The following SNX24 variants were observed in gnomAD, a reference collection of about 807,000 sequenced individuals.
The protein encoded by SNX24 is sorting nexin-24.
A neutral mutation model predicts 28.7 loss-of-function variants in SNX24; 22 were observed. The ratio of observed to expected loss-of-function variants is 0.77; its 90% confidence interval spans 0.55 to 1.10. The LOEUF (loss-of-function observed/expected upper bound fraction) is 1.10. SNX24 is among the 50% of genes least tolerant of loss of function. SNX24 has a pLI of 0.00. For missense variants in SNX24, 221 were observed against 201.1 expected, an observed-to-expected ratio of 1.10 and a Z score of -0.60; for synonymous variants, 69 against 71.5, an observed-to-expected ratio of 0.96 and a Z score of 0.18.
chr5:122,885,131 G>T (rs1278691839), intron 1 of SNX24, among the ~76,000 whole-genome samples: 1 of 152,180 alleles, frequency 6.6e-6, no homozygotes, highest in Non-Finnish European at 1.5e-5. Flanking sequence ...CTGCCTCTGT[G>T]AGAATGGAAG....
intron 3 of SNX24, among the ~76,000 whole-genome samples, chr5:122,979,647 A>G (rs1347961379): frequency 6.6e-6 from 1 of 152,262 alleles, no homozygotes; most frequent in Non-Finnish European, 1.5e-5. Flanking sequence ...AATAACAAAT[A>G]CAGTAATAAT....
downstream of SNX24, among the ~76,000 whole-genome samples, chr5:123,012,363 C>G (rs1287828588): frequency 1.3e-5 from 2 of 152,184 alleles, no homozygotes; most frequent in African/African-American, 4.8e-5. Context: ...CATGCTGCAA[C>G]ACAGATGAAC....
chr5:123,025,898 G>C (rs1051358562), intron 5 of SNX24: 1 of 1,613,998 alleles, frequency 6.2e-7, no homozygotes, highest in Admixed American at 1.7e-5. Context: ...TGGCCATGCT[G>C]ACCCACCCAA....
At chr5:123,003,239 C>A (rs1762308667) in intron 6 of SNX24, among the ~76,000 whole-genome samples, 1 of 152,126 alleles carries the variant, frequency 6.6e-6, no homozygotes, top group Non-Finnish European at 1.5e-5. Flanking sequence ...GGTTGAGGGA[C>A]CCTTCCTAGT....
At chr5:123,025,048 G>T (rs1346051758) in intron 5 of SNX24, among the ~76,000 whole-genome samples, 2 of 152,208 alleles carry the variant, frequency 1.3e-5, no homozygotes, top group Non-Finnish European at 2.9e-5. Flanking sequence ...ATAATTTTTG[G>T]ATGCGTGTCT....
chr5:123,007,688 C>G lies in SNX24; in HGVS notation c.449C>G (p.Pro150Arg). The change falls in exon 7 of 7, where the codon CCA (proline) becomes CGA (arginine). Residue 150 changes from proline to arginine, a missense_variant. Transcript: ENST00000261369. ...PYVLPAASDF[P>R]NVVIEGVLHG... ...TTTTTTTTCTTTTTTTCAGATTTTCCAAATGTGGTTATTGAAGGAGTCCTC... is the reference window on the plus strand; with the variant it reads ...TTTTTTTTCTTTTTTTCAGATTTTCGAAATGTGGTTATTGAAGGAGTCCTC... 6.4e-7 allele frequency: 1 copy of G among 1,571,206 alleles called. No homozygotes were observed. Among genetic ancestry groups the G allele is most frequent in the Non-Finnish European group, 8.6e-7 (1 of 1,165,840 alleles).
intron 1 of SNX24, among the ~76,000 whole-genome samples, chr5:122,916,060 A>C (rs78522216): frequency 6.6e-6 from 1 of 152,246 alleles, no homozygotes; most frequent in Non-Finnish European, 1.5e-5. Context: ...ATCCTGTAGC[A>C]CATGTTTACA....
chr5:122,871,302 C>T (rs1755966337), intron 1 of SNX24, among the ~76,000 whole-genome samples: 1 of 152,112 alleles, frequency 6.6e-6, no homozygotes, highest in Non-Finnish European at 1.5e-5. Context: ...TGTAGCTAAG[C>T]CTGCAGATTG....
chr5:122,895,085 A>T (rs1757143974), intron 1 of SNX24, among the ~76,000 whole-genome samples: 1 of 150,156 alleles, frequency 6.7e-6, no homozygotes, highest in Non-Finnish European at 1.5e-5. Flanking sequence ...TGTTAGTATT[A>T]TTCAGCCAAA....
chr5:122,935,654 CATGTAAGACAGAAAT>C (rs1759149071), intron 1 of SNX24, among the ~76,000 whole-genome samples: 1 of 152,258 alleles, frequency 6.6e-6, no homozygotes, highest in African/African-American at 2.4e-5. Context: ...GTCATACTTA[CATGTAAGACAGAAAT>C]ATAGAGCCAT....
At chr5:122,920,841 C>T (rs969672763) in intron 1 of SNX24, among the ~76,000 whole-genome samples, 3 of 152,104 alleles carry the variant, frequency 2.0e-5, no homozygotes, top group African/African-American at 7.2e-5. Flanking sequence ...GAGGGGAAAA[C>T]ATGAAATGTG....
chr5:122,917,100 C>T (rs1057053358), intron 1 of SNX24, among the ~76,000 whole-genome samples: 2 of 152,030 alleles, frequency 1.3e-5, no homozygotes, highest in African/African-American at 2.4e-5. Context: ...AACTCCGTCT[C>T]TACTAAAAAT....
chr5:122,912,680 C>G (rs575984106), intron 1 of SNX24, among the ~76,000 whole-genome samples: 4,271 of 148,966 alleles, frequency 0.029, 73 homozygotes, highest in Middle Eastern at 0.058. Flanking sequence ...TAGCATGAAG[C>G]GTTGTTGAAT....
intron 5 of SNX24, among the ~76,000 whole-genome samples, chr5:123,027,738 G>T (rs1473079763): frequency 6.6e-6 from 1 of 152,242 alleles, no homozygotes; most frequent in Admixed American, 6.5e-5. Flanking sequence ...CTTGAAAATG[G>T]CCTGTTGCTT....
intron 1 of SNX24, among the ~76,000 whole-genome samples, chr5:122,920,613 T>C (rs1013315143): frequency 6.6e-6 from 1 of 152,146 alleles, no homozygotes; most frequent in Non-Finnish European, 1.5e-5. Flanking sequence ...ATGCTAAGAC[T>C]CTAGAAAACA....
chr5:122,914,064 A>T (rs544044314), intron 1 of SNX24, among the ~76,000 whole-genome samples: 45 of 152,328 alleles, frequency 3.0e-4, no homozygotes, highest in Middle Eastern at 3.4e-3. Flanking sequence ...GCAGCAGTAC[A>T]GTCCAGCTTT....
chr5:123,010,366 C>T (rs1350398341), downstream of SNX24, among the ~76,000 whole-genome samples: 1 of 151,930 alleles, frequency 6.6e-6, no homozygotes, highest in Admixed American at 6.6e-5. Flanking sequence ...TCTCAACTCA[C>T]TGCAACTTCT....
intron 1 of SNX24, among the ~76,000 whole-genome samples, chr5:122,885,542 C>T (rs1360540359): frequency 8.7e-6 from 1 of 114,992 alleles, no homozygotes; most frequent in African/African-American, 3.5e-5. Context: ...TGAAAGCACC[C>T]ATTCTTATAT....
intron 1 of SNX24, among the ~76,000 whole-genome samples, chr5:122,851,107 G>C (rs1754897920): frequency 6.6e-6 from 1 of 152,176 alleles, no homozygotes; most frequent in Admixed American, 6.5e-5. Flanking sequence ...AACAAAACTA[G>C]AATTACTACT....
Sources: allele counts gnomAD v4.1 joint callset (sites outside exome capture counted in the v4.1 genomes callset), GRCh38; gene constraint gnomAD v4.1.1; transcripts MANE v1.5; gene names NCBI Gene and HGNC (gene_info 2026-07-23, HGNC 2026-07-21).